TRIM31: variants seen among roughly 807,000 people sequenced by gnomAD.
TRIM31 encodes the protein E3 ubiquitin-protein ligase TRIM31.
Under a neutral mutation model 40.6 loss-of-function variants are expected in TRIM31, and 31 were observed. The ratio of observed to expected loss-of-function variants is 0.76; its 90% CI spans 0.57 to 1.03. The LOEUF (loss-of-function observed/expected upper bound fraction) is 1.03. Ranked by LOEUF, TRIM31 falls within the 50% of genes least tolerant of loss-of-function variation. The probability of loss-of-function intolerance (pLI) is 0.00; values close to 1 mark genes in which losing one functional copy is unlikely to be tolerated. For missense variants in TRIM31, 455 were observed against 497.5 expected, an observed-to-expected ratio of 0.91 and a Z score of 0.81; for synonymous variants, 164 against 193.9, an observed-to-expected ratio of 0.85 and a Z score of 1.28.
In TRIM31 at chr6:30,103,409, A is replaced by G; in HGVS notation, c.*127T>C. ...CACTCTCAGTAGCCCGAGCCCTCCC[A>G]TTCTCCACTCCTTCGACCCAATTCC... On this transcript the variant is annotated 3_prime_UTR_variant, in exon 9 of 9. Transcript: ENST00000376734. 1.5e-6 allele frequency: 2 copies of G among 1,360,458 alleles called. No homozygotes were observed. Among genetic ancestry groups the G allele is most frequent in the Non-Finnish European group, 1.0e-6 (1 of 1,002,250 alleles). 84.3% of individuals were successfully genotyped at this position (1,360,458 alleles called of 1,614,324 possible).
rs778017534 is a variant in TRIM31 at position 30,112,644 on chromosome 6, G to C, written c.162C>G (p.Pro54=). The change falls in exon 2 of 9, where the codon CCC becomes CCG. Residue 54 remains proline (P), a synonymous_variant. Coordinates refer to ENST00000376734, the MANE Select transcript of TRIM31 (RefSeq NM_007028.5). ...GETSCGFFKC[P]LCKTSVRKNA... ...TCTTCCTTACGGAAGTTTTGCAGAGGGGACATTTGAAAAATCCACATGATG... is the reference window on the plus strand; with the variant it reads ...TCTTCCTTACGGAAGTTTTGCAGAGCGGACATTTGAAAAATCCACATGATG... The C allele has an allele frequency of 2.3e-5, 37 of 1,612,958 alleles. No homozygotes were observed. The South Asian group carries it at 2.3e-4, about 10-fold the overall frequency.
At chr6:30,108,550 G>C (rs1448542650) in intron 5 of TRIM31, among the ~76,000 whole-genome samples, 3 of 100,590 alleles carry the variant, frequency 3.0e-5, no homozygotes, top group Admixed American at 2.6e-4. Context: ...CAAGAGCAAA[G>C]CTCCATCTCA....
In TRIM31 at chr6:30,107,843, G is replaced by A; in HGVS notation, c.883+210C>T. 2 of 536,392 alleles carry A rather than the reference G, an allele frequency of 3.7e-6. 1 individual carries two copies. The highest frequency in any genetic ancestry group is 4.3e-5 in the South Asian group (2 of 46,106). The allele number at this position is 536,392 out of a possible 1,614,324, so 33.2% of individuals were successfully genotyped here. ...CTATGGCTCTCGCAGGAGTCAGGGA[G>A]GCAGATAAATAACATATCACAAAGA... On this transcript the variant is annotated intron_variant, in intron 6 of 8. Coordinates refer to ENST00000376734, the MANE Select transcript of TRIM31 (RefSeq NM_007028.5).
intron 6 of TRIM31, among the ~76,000 whole-genome samples, chr6:30,106,160 C>T (rs1247161489): frequency 6.6e-6 from 1 of 152,196 alleles, no homozygotes. Context: ...AGATGGGGAG[C>T]TACTTCTGGC....
At position 30,110,573 on chromosome 6, in the gene TRIM31, C is replaced by T; in HGVS notation, c.619G>A (p.Gly207Ser). 3 of 1,614,160 alleles carry T rather than the reference C, an allele frequency of 1.9e-6. No homozygotes were observed. Among genetic ancestry groups the T allele is most frequent in the Non-Finnish European group, 2.5e-6 (3 of 1,180,020 alleles). Residue 207 changes from glycine (G) to serine (S), a missense_variant, in exon 4 of 9, where the codon GGT (glycine) becomes AGT (serine). Physicochemically the swap from Gly to Ser is moderately conservative, Grantham distance 56. Transcript: ENST00000376734. ...TTCCCCGCTTCCGTTCCCTCATGAC[C>T]CAGCCAGTAAATCCGTGATAGCAGG... is the stretch of plus-strand genomic sequence containing the variant. Reference protein sequence around the residue: ...NFLLSRIYWLGHEGTEAGKHY... With the variant: ...NFLLSRIYWLSHEGTEAGKHY...
rs1477819912 is a variant in TRIM31 at position 30,105,220 on chromosome 6, T to C, written c.906A>G (p.Lys302=). 1 of 1,612,854 alleles carries C rather than the reference T, an allele frequency of 6.2e-7. No individual in the cohort carries two copies. The highest frequency in any genetic ancestry group is 8.5e-7 in the Non-Finnish European group (1 of 1,179,996). ...KFKDQLQADR[K]KDENRFFKSM... ...TTTTGAAGAATCTGTTTTCATCTTTTTTCCTATCAGCCTGGAGTTGGTCTG... is the reference window on the plus strand; with the variant it reads ...TTTTGAAGAATCTGTTTTCATCTTTCTTCCTATCAGCCTGGAGTTGGTCTG... Residue 302 remains lysine (K), a synonymous_variant, in exon 7 of 9, where the codon AAA becomes AAG. Transcript: ENST00000376734.
rs758082658 is a variant in TRIM31 at position 30,108,131 on chromosome 6, G to A, written c.805C>T (p.Pro269Ser). The part of the protein sequence containing the change: ...EFQFLNPTPV[P>S]LELEKKLSEA... ...CTGAGTTTTTTCTCCAGTTCCAGAG[G>A]AACAGGGGTTGGGTTGAGAAACTGA... is the stretch of plus-strand genomic sequence containing the variant. The change falls in exon 6 of 9, where the codon CCT becomes TCT. Residue 269 changes from proline (P) to serine (S), a missense_variant. Pro to Ser is a moderately conservative substitution (Grantham distance 74). Coordinates refer to ENST00000376734, the MANE Select transcript of TRIM31 (RefSeq NM_007028.5). 3 of 1,612,422 alleles carry A rather than the reference G, an allele frequency of 1.9e-6. No homozygotes were observed. Among genetic ancestry groups the A allele is most frequent in the South Asian group, 1.1e-5 (1 of 91,070 alleles).
rs781421379 is a variant in TRIM31, at chr6:30,109,020, T to C, written c.767+6A>G. On this transcript the variant is annotated splice_donor_region_variant and intron_variant, in intron 5 of 8. Transcript: ENST00000376734. ...GGCAAAATACATTTGGGGTGGCCCA[T>C]CATACCTGCACAAGACGACTTTGAT... 3 of 1,612,958 alleles carry C rather than the reference T, an allele frequency of 1.9e-6. No homozygotes were observed. Among genetic ancestry groups the C allele is most frequent in the Non-Finnish European group, 2.5e-6 (3 of 1,179,988 alleles).
chr6:30,106,173 C>T (rs1040117019), intron 6 of TRIM31, among the ~76,000 whole-genome samples: 2 of 152,194 alleles, frequency 1.3e-5, no homozygotes, highest in African/African-American at 4.8e-5. Flanking sequence ...CTTCTGGCCC[C>T]AGCACCCTTC....
At position 30,111,738 on chromosome 6, in the gene TRIM31, C is replaced by G. The variant is rs761947673; in HGVS notation, c.423G>C (p.Gln141His). The G allele has an allele frequency of 1.1e-5, 17 of 1,614,126 alleles. No homozygotes were observed. The highest frequency in any genetic ancestry group is 1.6e-4 in the Middle Eastern group (1 of 6,082). Residue 141 changes from glutamine to histidine, a missense_variant, in exon 3 of 9, where the codon CAG becomes CAC. Physicochemically the swap from Gln to His is conservative, Grantham distance 24. Transcript: ENST00000376734. ...IEEAAQNYQGQIQEQIQVLQQ... is the reference protein window; with the variant it reads ...IEEAAQNYQGHIQEQIQVLQQ... ...GCAAGACTTGGATCTGCTCTTGAAT[C>G]TGCCCCTGCGGAAAGAGGGCCGTTT...
In TRIM31 at chr6:30,112,689, G is replaced by A. The variant is rs575719250; in HGVS notation, c.117C>T (p.Cys39=). The A allele has an allele frequency of 3.0e-5, 48 of 1,613,028 alleles. No individual in the cohort carries two copies. Among genetic ancestry groups the A allele is most frequent in the South Asian group, 1.6e-4 (15 of 91,088 alleles). ...IDCGHNFCLK[C]ITQIGETSCG... is the part of the protein sequence containing the mutation. The stretch of plus-strand genomic sequence containing the variant: ...ATGATGTTTCCCCAATCTGAGTGAT[G>A]CATTTGAGGCAGAAATTGTGCCCAC... Residue 39 remains cysteine (C), a synonymous_variant, in exon 2 of 9, where the codon TGC becomes TGT. Transcript: ENST00000376734.
chr6:30,103,965 G>A (rs576572772), intron 8 of TRIM31, 137 bp downstream of exon 8: 2 of 1,372,106 alleles, frequency 1.5e-6, no homozygotes, highest in East Asian at 4.6e-5. Context: ...GGTGTAATTT[G>A]GGGAGGAACT....
At chr6:30,106,309 C>A (rs115147572) in intron 6 of TRIM31, among the ~76,000 whole-genome samples, 5,057 of 152,236 alleles carry the variant, frequency 0.033, 137 homozygotes, top group Middle Eastern at 0.085. Flanking sequence ...GACGCGGGGG[C>A]CCTCTTAGGA....
Position 30,105,193 on chromosome 6 carries a change from G to A in TRIM31, c.933C>T (p.Ser311=), listed in dbSNP as rs772565969. Residue 311 remains serine, a synonymous_variant, in exon 7 of 9, where the codon AGC becomes AGT. Transcript: ENST00000376734. ...RKKDENRFFK[S]MNKNDMKSWG... ...AGCTCTTCATGTCATTTTTATTCAT[G>A]CTTTTGAAGAATCTGTTTTCATCTT... The A allele has an allele frequency of 1.1e-5, 18 of 1,612,634 alleles. No homozygotes were observed. The South Asian group carries it at 2.0e-4, about 18-fold the overall frequency.
chr6:30,103,877 C>A, intron 8 of TRIM31, 88 bp from the exon 9 acceptor site: 1 of 1,577,480 alleles, frequency 6.3e-7, no homozygotes, highest in Non-Finnish European at 8.6e-7. Flanking sequence ...CTGAGCTCTA[C>A]ATACAGCAGG....
chr6:30,111,995 C>G, intron 2 of TRIM31: 1 of 568,546 alleles, frequency 1.8e-6, no homozygotes, highest in East Asian at 2.9e-5. Flanking sequence ...TTGGAATTAT[C>G]AAAGAACTAC....
In TRIM31 at chr6:30,108,186, A is replaced by C; in HGVS notation, c.768-18T>G. ...CTTCACTTCTAGGAAGATGTGGTTG[A>C]GCTGGTTGGTGAGATCAGGGGATGA... On this transcript the variant is annotated intron_variant, in intron 5 of 8. Coordinates refer to ENST00000376734, the MANE Select transcript of TRIM31 (RefSeq NM_007028.5). 2 of 1,575,668 alleles carry C rather than the reference A, an allele frequency of 1.3e-6. No individual in the cohort carries two copies. Among genetic ancestry groups the C allele is most frequent in the Non-Finnish European group, 1.7e-6 (2 of 1,147,518 alleles).
In TRIM31 at chr6:30,112,763, T is replaced by G; in HGVS notation, c.43A>C (p.Ile15Leu). 2 of 1,612,630 alleles carry G rather than the reference T, an allele frequency of 1.2e-6. No individual in the cohort carries two copies. Among genetic ancestry groups the G allele is most frequent in the Non-Finnish European group, 1.7e-6 (2 of 1,179,820 alleles). Residue 15 changes from isoleucine (I) to leucine (L), a missense_variant, in exon 2 of 9, where the codon ATC becomes CTC. Physicochemically the swap from Ile to Leu is conservative, Grantham distance 5 (BLOSUM62 2). Transcript: ENST00000376734. ...QFVNKLQEEV[I>L]CPICLDILQK... ...AGAATGTCCAGGCAGATGGGGCAGA[T>G]CACTTCCTCTTGCAGTTTGTTCACA...
chr6:30,106,906 T>C lies in TRIM31; in HGVS notation c.883+1147A>G, dbSNP rs572992755. The stretch of plus-strand genomic sequence containing the variant: ...CACAAGTCAGCAGTTCGAGACCAGC[T>C]TGACCAACCTGGTGAAACCCCGTCT... On this transcript the variant is annotated intron_variant, in intron 6 of 8. Transcript: ENST00000376734. Among the ~76,000 whole-genome samples the C allele has an allele frequency of 1.6e-3, 248 of 152,182 alleles. 8 individuals carry two copies. The South Asian group carries it at 0.047, about 29-fold the overall frequency.
Sources: gnomAD v4.1 joint callset for allele counts (sites outside exome capture counted in the v4.1 genomes callset) on GRCh38, gnomAD v4.1.1 for gene constraint, MANE v1.5 for transcripts, NCBI Gene and HGNC (gene_info 2026-07-23, HGNC 2026-07-21) for gene names.